Variants in CFAP47 observed in about 807,000 individuals in gnomAD.
The protein encoded by CFAP47 is cilia and flagella associated protein 47.
In CFAP47, 29 loss-of-function variants were observed where a neutral mutation model predicts 148.1. The ratio of observed to expected loss-of-function variants is 0.20; its 90% confidence interval spans 0.15 to 0.27. The LOEUF (loss-of-function observed/expected upper bound fraction) is 0.27. Among genes scored for constraint, CFAP47 ranks in the 10% least tolerant of loss-of-function variants. The probability of loss-of-function intolerance (pLI) is 1.00; values close to 1 mark genes in which losing one functional copy is unlikely to be tolerated. For missense variants in CFAP47, 1,872 were observed against 1,697.5 expected, an observed-to-expected ratio of 1.10 and a Z score of -1.81; for synonymous variants, 664 against 577.3, an observed-to-expected ratio of 1.15 and a Z score of -2.15.
chrX:36,261,812 C>T (rs1475649929), intron 49 of CFAP47, among the ~76,000 whole-genome samples: 1 of 111,889 alleles, frequency 8.9e-6, no homozygotes, highest in Non-Finnish European at 1.9e-5. Context: ...CCATCGTCAT[C>T]ATGGCCCGTT....
intron 57 of CFAP47, among the ~76,000 whole-genome samples, chrX:36,325,823 A>G (rs1941513465): frequency 9.0e-6 from 1 of 111,463 alleles, no homozygotes; most frequent in Non-Finnish European, 1.9e-5. Context: ...TTCAGCTGAA[A>G]TTTAGGTACT....
At chrX:36,188,290 T>C in intron 40 of CFAP47, among the ~76,000 whole-genome samples, 1 of 111,583 alleles carries the variant, frequency 9.0e-6, no homozygotes, top group Non-Finnish European at 1.9e-5. Context: ...TCATCCACGT[T>C]TTGAGTCTTT....
At chrX:36,135,152 G>A (rs1244622247) in intron 33 of CFAP47, among the ~76,000 whole-genome samples, 1 of 110,400 alleles carries the variant, frequency 9.1e-6, no homozygotes, top group Non-Finnish European at 1.9e-5. Context: ...GGTGAGAAGG[G>A]AGTGAGGGAT....
chrX:35,966,493 T>G, intron 8 of CFAP47, 72 bp from the exon 9 acceptor site: 1 of 718,899 alleles, frequency 1.4e-6, no homozygotes, highest in Non-Finnish European at 1.9e-6. Flanking sequence ...TTAACTGGTT[T>G]TTTTTTTAGA....
In CFAP47 at chrX:36,225,635, A is replaced by C. The variant is rs781993260; in HGVS notation, c.6818-2993A>C. On this transcript the variant is annotated intron_variant, in intron 45 of 63. Coordinates refer to ENST00000378653, the MANE Select transcript of CFAP47 (RefSeq NM_001304548.2). ...GAAAGCACTGTAAACAGGATCAAGG[A>C]ACTATGGATTGTGAATTATAATGTC... is the stretch of plus-strand genomic sequence containing the variant. Among the ~76,000 whole-genome samples the C allele has an allele frequency of 2.7e-5, 3 of 111,670 alleles. No individual in the cohort carries two copies. The East Asian group carries it at 8.6e-4, about 32-fold the overall frequency.
intron 33 of CFAP47, among the ~76,000 whole-genome samples, chrX:36,117,006 T>C (rs779810941): frequency 8.9e-6 from 1 of 111,937 alleles, no homozygotes; most frequent in South Asian, 3.7e-4. Context: ...TCATGCAAAG[T>C]CTGTCTTTCT....
chrX:36,342,030 T>G (rs1556015837), intron 57 of CFAP47, among the ~76,000 whole-genome samples: 1 of 110,863 alleles, frequency 9.0e-6, no homozygotes, highest in African/African-American at 3.3e-5. Flanking sequence ...ACATTTTGAG[T>G]TTATAATATG....
intron 44 of CFAP47, among the ~76,000 whole-genome samples, chrX:36,203,506 G>A (rs781837225): frequency 9.0e-6 from 1 of 111,365 alleles, no homozygotes. Flanking sequence ...TCCTTGGAAC[G>A]CAGCATATGT....
At chrX:36,177,726 A>G (rs1375314299) in intron 39 of CFAP47, among the ~76,000 whole-genome samples, 1 of 112,406 alleles carries the variant, frequency 8.9e-6, no homozygotes, top group Non-Finnish European at 1.9e-5. Context: ...ACAATAGTAC[A>G]GAATCTGATG....
chrX:36,301,750 G>C (rs1941300820), intron 53 of CFAP47, among the ~76,000 whole-genome samples: 1 of 110,819 alleles, frequency 9.0e-6, no homozygotes, highest in South Asian at 3.8e-4. Flanking sequence ...AGGTGAAGCA[G>C]AGGTAAGCAA....
Position 36,201,361 on chromosome X carries a change from A to C in CFAP47, c.6524A>C (p.Glu2175Ala). The C allele has an allele frequency of 6.7e-6, 2 of 297,417 alleles. No individual in the cohort carries two copies. Among genetic ancestry groups the C allele is most frequent in the Non-Finnish European group, 1.2e-5 (2 of 170,136 alleles). The allele number at this position is 297,417 out of a possible 1,213,427, so 24.5% of individuals were successfully genotyped here. A position where few individuals can be genotyped will look rare whatever the true frequency, so the allele number is the denominator to read the frequency against. ...GACCTTAAATTGCCAATGACTAATG[A>C]AGCCAAGGAAAAGGCTTTGGCTTTT... is the stretch of plus-strand genomic sequence containing the variant. ...YVDLKLPMTN[E>A]AKEKALAFAA... The change falls in exon 44 of 64, where the codon GAA becomes GCA. Residue 2175 changes from glutamate to alanine, a missense_variant. Coordinates refer to ENST00000378653, the MANE Select transcript of CFAP47 (RefSeq NM_001304548.2).
In CFAP47 at chrX:35,997,278, GGTTTCTACAAA is replaced by G. The variant is rs773131402; in HGVS notation, c.3100-29_3100-19del. On this transcript the variant is annotated intron_variant, in intron 18 of 63. Transcript: ENST00000378653. ...GCAACTTATGATTATATTTTAATGT[GGTTTCTACAAA>G]GTTTTTATTTCTCCTAAATAAGGTT... 381 of 289,798 alleles carry G rather than the reference GGTTTCTACAAA, an allele frequency of 1.3e-3. 4 individuals carry two copies. The highest frequency in any genetic ancestry group is 2.1e-3 in the Admixed American group (33 of 15,987). The allele number at this position is 289,798 out of a possible 1,213,427, so 23.9% of individuals were successfully genotyped here.
At chrX:36,348,338 C>T (rs1941715513) in intron 58 of CFAP47, 50 bp downstream of exon 58, 1 of 695,162 alleles carries the variant, frequency 1.4e-6, no homozygotes, top group Non-Finnish European at 2.0e-6. Flanking sequence ...TTTTGACAGC[C>T]ACTGACATGC....
chrX:36,071,004 C>G (rs1026731699), intron 27 of CFAP47, among the ~76,000 whole-genome samples: 1 of 112,508 alleles, frequency 8.9e-6, no homozygotes, highest in African/African-American at 3.2e-5. Context: ...AGCTGCTACC[C>G]TCTGCCTAGG....
At chrX:36,206,650 A>G (rs1940042326) in intron 45 of CFAP47, among the ~76,000 whole-genome samples, 1 of 111,940 alleles carries the variant, frequency 8.9e-6, no homozygotes, top group Admixed American at 9.5e-5. Context: ...CACAGCATAG[A>G]ATTGACTTAA....
chrX:36,008,710 C>A (rs1202242688), intron 21 of CFAP47, among the ~76,000 whole-genome samples: 3 of 109,723 alleles, frequency 2.7e-5, no homozygotes, highest in Non-Finnish European at 5.7e-5. Flanking sequence ...GAGGAGGCTG[C>A]AGTGAGCCGA....
chrX:35,966,847 A>G, intron 9 of CFAP47, 93 bp downstream of exon 9: 2 of 620,923 alleles, frequency 3.2e-6, no homozygotes, highest in Non-Finnish European at 2.3e-6. Context: ...ACACACGCAC[A>G]TATATGTGAA....
In CFAP47 at chrX:36,208,915, G is replaced by A. The variant is rs148041023; in HGVS notation, c.6817+3805G>A. Among the ~76,000 whole-genome samples, 232 of 109,792 alleles carry A rather than the reference G, an allele frequency of 2.1e-3. 1 individual carries two copies. The highest frequency in any genetic ancestry group is 7.2e-3 in the African/African-American group (217 of 30,096). On this transcript the variant is annotated intron_variant, in intron 45 of 63. Transcript: ENST00000378653. ...TGGGAGGCGGAGTTTGCAGTGAGCCGAGATCACACCATTGCACTTCAGCCT... is the reference window on the plus strand; with the variant it reads ...TGGGAGGCGGAGTTTGCAGTGAGCCAAGATCACACCATTGCACTTCAGCCT...
At chrX:36,059,857 T>C (rs780927492) in intron 26 of CFAP47, among the ~76,000 whole-genome samples, 13 of 111,683 alleles carry the variant, frequency 1.2e-4, no homozygotes, top group African/African-American at 3.9e-4. Context: ...GGTTTCCTCA[T>C]GAATGGCTAG....
Sources: allele counts gnomAD v4.1 joint callset (sites outside exome capture counted in the v4.1 genomes callset), GRCh38; gene constraint gnomAD v4.1.1; transcripts MANE v1.5; gene names NCBI Gene and HGNC (gene_info 2026-07-23, HGNC 2026-07-21).